Variants in NFS1 observed in about 807,000 individuals in gnomAD.
NFS1 encodes the protein cysteine desulfurase.
NFS1 carries 26 observed loss-of-function variants against 57.3 expected under a neutral mutation model. The ratio of observed to expected loss-of-function variants is 0.45; its 90% confidence interval spans 0.33 to 0.63. NFS1 has a LOEUF of 0.63. NFS1 is among the 20% of genes least tolerant of loss of function. The pLI is 0.02. For synonymous variants in NFS1, 209 were observed against 216.3 expected (o/e 0.97, Z 0.30); for missense variants, 505 against 605.8 (o/e 0.83, Z 1.75).
chr20:35,676,456 C>T (rs1309171592), intron 7 of NFS1, among the ~76,000 whole-genome samples: 4 of 151,418 alleles, frequency 2.6e-5, no homozygotes, highest in South Asian at 2.1e-4. Flanking sequence ...CGTGGTGGCA[C>T]GCACCTGTAA....
intron 10 of NFS1, 162 bp from the exon 11 acceptor site, chr20:35,673,846 C>A: frequency 5.2e-6 from 3 of 574,244 alleles, no homozygotes; most frequent in South Asian, 4.1e-5. Context: ...TGCTCCCCTG[C>A]ACATCCTAGG....
chr20:35,691,604 G>A (rs964097577), intron 4 of NFS1, among the ~76,000 whole-genome samples: 5 of 151,298 alleles, frequency 3.3e-5, no homozygotes, highest in East Asian at 1.9e-4. Flanking sequence ...AGCCAGGCCC[G>A]GTGGCACGCA....
chr20:35,692,002 G>T (rs1450534341), intron 4 of NFS1, among the ~76,000 whole-genome samples: 2 of 151,546 alleles, frequency 1.3e-5, no homozygotes, highest in Non-Finnish European at 2.9e-5. Context: ...GACCAACATG[G>T]AAAAACTCCG....
chr20:35,694,202 A>G (rs1395237727), intron 4 of NFS1, among the ~76,000 whole-genome samples: 1 of 150,000 alleles, frequency 6.7e-6, no homozygotes, highest in South Asian at 2.1e-4. Context: ...GCAATGGCGC[A>G]ATCTCGGCCC....
At chr20:35,671,890 C>CAA (rs78543354) in intron 12 of NFS1, among the ~76,000 whole-genome samples, 23 of 102,632 alleles carry the variant, frequency 2.2e-4, no homozygotes, top group East Asian at 2.9e-4. Context: ...AACTTGTCTC[C>CAA]AAAAAAAAAA....
At chr20:35,674,782 G>A in intron 8 of NFS1, 165 bp from the exon 9 acceptor site, 2 of 683,112 alleles carry the variant, frequency 2.9e-6, no homozygotes, top group African/African-American at 1.8e-5. Context: ...CATAGTGCCT[G>A]GTATGCAAAA....
Position 35,699,344 on chromosome 20 carries a change from C to CA in NFS1, c.-57_-56insT. The CA allele has an allele frequency of 1.4e-6, 2 of 1,380,772 alleles. No individual in the cohort carries two copies. Among genetic ancestry groups the CA allele is most frequent in the Non-Finnish European group, 1.9e-6 (2 of 1,063,922 alleles). The allele number at this position is 1,380,772 out of a possible 1,614,324, so 85.5% of individuals were successfully genotyped here. On this transcript the variant is annotated 5_prime_UTR_variant, in exon 1 of 13. Transcript: ENST00000374092. The surrounding 1 kb of genome is among the most constrained non-coding windows in gnomAD (Gnocchi z 4.4). ...CCGCTGCAGTCCTGGGCCCCAGGCT[C>CA]CCGGAAGTGCTGCCCGGCGCTCCGG... is the stretch of plus-strand genomic sequence containing the variant.
intron 7 of NFS1, 36 bp downstream of exon 7, chr20:35,680,701 G>A (rs756889951): frequency 6.9e-7 from 1 of 1,440,024 alleles, no homozygotes; most frequent in African/African-American, 1.5e-5. Flanking sequence ...CTTGCTGGAA[G>A]GTACAGAGAG....
intron 10 of NFS1, chr20:35,674,000 A>G (rs920417423): frequency 1.2e-4 from 52 of 447,312 alleles, no homozygotes; most frequent in African/African-American, 1.6e-4. Flanking sequence ...CCAGGACGTA[A>G]TGCACCATCT....
rs149205059 is a variant in NFS1 at position 35,672,830 on chromosome 20, C to T, written c.1235G>A (p.Arg412His). ...GTCCACTTCCTCCTCTGTAGTGAAG[C>T]GGCCAATTCCAAACCTGAAAAAAGG... ...AHSSIRFGIG[R>H]FTTEEEVDYT... The change falls in exon 12 of 13, where the codon CGC (arginine) becomes CAC (histidine). Residue 412 changes from arginine to histidine, a missense_variant. Transcript: ENST00000374092. 2.6e-5 allele frequency: 41 copies of T among 1,603,196 alleles called. No homozygotes were observed. The highest frequency in any genetic ancestry group is 3.3e-5 in the Non-Finnish European group (39 of 1,175,176).
At chr20:35,685,979 G>C (rs1429653326) in intron 5 of NFS1, among the ~76,000 whole-genome samples, 3 of 147,390 alleles carry the variant, frequency 2.0e-5, no homozygotes, top group African/African-American at 5.0e-5. Flanking sequence ...ACCCAGGCTA[G>C]AGTGCAATGG....
At chr20:35,694,019 G>C (rs576197758) in intron 4 of NFS1, among the ~76,000 whole-genome samples, 1 of 152,124 alleles carries the variant, frequency 6.6e-6, no homozygotes, top group African/African-American at 2.4e-5. Flanking sequence ...GCTAGTACAC[G>C]CCTGTAAGCC....
intron 4 of NFS1, among the ~76,000 whole-genome samples, chr20:35,694,143 C>CTT (rs750913818): frequency 3.7e-5 from 5 of 133,984 alleles, no homozygotes; most frequent in African/African-American, 8.2e-5. Context: ...GAGACCATGT[C>CTT]TTTTTTTTTT....
intron 7 of NFS1, among the ~76,000 whole-genome samples, chr20:35,678,059 C>T (rs1053356949): frequency 6.6e-6 from 1 of 151,838 alleles, no homozygotes; most frequent in African/African-American, 2.4e-5. Context: ...ACTAAAAATA[C>T]AAAAATTAGG....
rs573737176 is a variant in NFS1 at position 35,673,499 on chromosome 20, C to A, written c.1220+102G>T. 8.5e-6 allele frequency: 8 copies of A among 943,710 alleles called. No homozygotes were observed. The African/African-American group carries it at 1.3e-4, about 16-fold the overall frequency. 58.5% of individuals were successfully genotyped at this position (943,710 alleles called of 1,614,324 possible). ...GTTATGAGAAGAGATAAGGAGAACT[C>A]GACTGAGAAAAACTTCAGGGTGGAA... On this transcript the variant is annotated intron_variant, in intron 11 of 12. Coordinates refer to ENST00000374092, the MANE Select transcript of NFS1 (RefSeq NM_021100.5).
intron 5 of NFS1, among the ~76,000 whole-genome samples, chr20:35,688,179 G>A (rs1256888082): frequency 6.6e-6 from 1 of 152,072 alleles, no homozygotes; most frequent in African/African-American, 2.4e-5. Context: ...AACCCGGGAG[G>A]CAGAGGTTGC....
intron 6 of NFS1, 140 bp from the exon 7 acceptor site, chr20:35,681,011 C>CGAAG: frequency 8.3e-6 from 5 of 599,932 alleles, no homozygotes; most frequent in Non-Finnish European, 1.3e-5. Context: ...TACCCCTTCT[C>CGAAG]CTTCCTCTTT....
At chr20:35,676,850 C>G (rs1419715122) in intron 7 of NFS1, among the ~76,000 whole-genome samples, 1 of 147,792 alleles carries the variant, frequency 6.8e-6, no homozygotes, top group Non-Finnish European at 1.5e-5. Context: ...GAGAGGCAGA[C>G]TTTTGTCTGT....
intron 3 of NFS1, among the ~76,000 whole-genome samples, chr20:35,696,755 G>T (rs1372719386): frequency 6.6e-6 from 1 of 152,078 alleles, no homozygotes; most frequent in East Asian, 1.9e-4. Flanking sequence ...GATCACCTGA[G>T]GTCAGGAGTT....
Sources: allele counts gnomAD v4.1 joint callset (sites outside exome capture counted in the v4.1 genomes callset), GRCh38; gene constraint gnomAD v4.1.1; non-coding constraint Gnocchi (gnomAD v3.1); transcripts MANE v1.5; gene names NCBI Gene and HGNC (gene_info 2026-07-23, HGNC 2026-07-21).